SARNP: variants seen among roughly 807,000 people sequenced by gnomAD.
SARNP encodes the protein SAP domain-containing ribonucleoprotein.
A neutral mutation model predicts 38.1 loss-of-function variants in SARNP; 5 were observed. The ratio of observed to expected loss-of-function variants is 0.13; its 90% CI spans 0.07 to 0.28. The LOEUF is 0.28. SARNP is among the 10% of genes least tolerant of loss of function. The pLI is 1.00. For missense variants in SARNP, 180 were observed against 243.9 expected, an observed-to-expected ratio of 0.74 and a Z score of 1.75; for synonymous variants, 84 against 80.6, an observed-to-expected ratio of 1.04 and a Z score of -0.23.
intron 9 of SARNP, among the ~76,000 whole-genome samples, chr12:55,777,134 C>A (rs1033904108): frequency 2.6e-5 from 4 of 152,126 alleles, no homozygotes; most frequent in Admixed American, 6.5e-5. Flanking sequence ...CTACAAATTT[C>A]TTTACCTGAA....
At chr12:55,784,239 G>A (rs781632265) in intron 9 of SARNP, among the ~76,000 whole-genome samples, 6 of 152,164 alleles carry the variant, frequency 3.9e-5, no homozygotes, top group South Asian at 2.1e-4. Flanking sequence ...AAAGACAAGC[G>A]ACCAAATTAT....
At chr12:55,765,663 G>C (rs1041740384) in intron 9 of SARNP, among the ~76,000 whole-genome samples, 1 of 151,988 alleles carries the variant, frequency 6.6e-6, no homozygotes, top group Non-Finnish European at 1.5e-5. Context: ...TTTTAAACAA[G>C]ATCTTTGGTG....
intron 7 of SARNP, among the ~76,000 whole-genome samples, chr12:55,792,263 G>C (rs1360841631): frequency 1.3e-5 from 2 of 152,090 alleles, no homozygotes; most frequent in Non-Finnish European, 1.5e-5. Flanking sequence ...ACTACAAGAA[G>C]ATCTCTGGGG....
At chr12:55,791,822 C>G (rs1418125388) in intron 7 of SARNP, among the ~76,000 whole-genome samples, 1 of 152,062 alleles carries the variant, frequency 6.6e-6, no homozygotes, top group Non-Finnish European at 1.5e-5. Context: ...GGATTTCATT[C>G]AAAAAAACAG....
intron 1 of SARNP, among the ~76,000 whole-genome samples, chr12:55,809,154 C>T (rs1251461725): frequency 1.3e-5 from 2 of 151,278 alleles, no homozygotes; most frequent in East Asian, 2.0e-4. Context: ...TGCAGTGAGC[C>T]GAGATCATGC....
intron 8 of SARNP, 143 bp downstream of exon 8, chr12:55,790,424 T>C (rs1879630838): frequency 1.1e-6 from 1 of 918,460 alleles, no homozygotes; most frequent in African/African-American, 1.7e-5. Flanking sequence ...ATTTTTTAAA[T>C]TCAAGACATA....
At chr12:55,784,837 T>A (rs943879075) in intron 9 of SARNP, among the ~76,000 whole-genome samples, 14 of 152,182 alleles carry the variant, frequency 9.2e-5, no homozygotes, top group African/African-American at 3.4e-4. Flanking sequence ...AATGTTTAAA[T>A]TAGGATAGTT....
intron 9 of SARNP, among the ~76,000 whole-genome samples, chr12:55,784,219 TAAAC>T: frequency 6.6e-6 from 1 of 152,276 alleles, no homozygotes; most frequent in Non-Finnish European, 1.5e-5. Context: ...CCTAGAGAAT[TAAAC>T]AACCTAAAGA....
chr12:55,800,898 C>T lies in SARNP; in HGVS notation c.139G>A (p.Glu47Lys). 1 of 1,611,898 alleles carries T rather than the reference C, an allele frequency of 6.2e-7. No homozygotes were observed. Among genetic ancestry groups the T allele is most frequent in the Non-Finnish European group, 8.5e-7 (1 of 1,178,108 alleles). Residue 47 changes from glutamate to lysine, a missense_variant and splice_region_variant, in exon 3 of 11, where the codon GAA becomes AAA. Around this residue, in one of 2 missense-constraint regions of SARNP, gnomAD observed 161 missense variants for 194.1 expected, o/e 0.83. Transcript: ENST00000336133. Reference sequence around the variant, plus strand: ...ACATCTTCTTCATTTGCCTCCTCTTCAGCTAAAGAATATTAAAATATTCAG... The same window carrying T: ...ACATCTTCTTCATTTGCCTCCTCTTTAGCTAAAGAATATTAAAATATTCAG... ...RLQAYLEEHAEEEANEEDVLG... is the reference protein window; with the variant it reads ...RLQAYLEEHAKEEANEEDVLG...
chr12:55,773,043 G>A (rs1879058973), intron 9 of SARNP, among the ~76,000 whole-genome samples: 1 of 152,152 alleles, frequency 6.6e-6, no homozygotes, highest in Non-Finnish European at 1.5e-5. Context: ...CAGGAGACGT[G>A]AATGCTGTCT....
chr12:55,788,838 G>A lies in SARNP; in HGVS notation c.501+237C>T, dbSNP rs111609559. ...AAGAAAGAAAAGAAATGTAGACCAC[G>A]CTCTAGCAGCCTGGGTGAAAGCTAT... On this transcript the variant is annotated intron_variant, in intron 9 of 10. Coordinates refer to ENST00000336133, the MANE Select transcript of SARNP (RefSeq NM_033082.4). Among the ~76,000 whole-genome samples, 179 of 152,152 alleles carry A rather than the reference G, an allele frequency of 1.2e-3. 1 individual carries two copies. The highest frequency in any genetic ancestry group is 2.0e-3 in the Non-Finnish European group (137 of 67,982).
In SARNP at chr12:55,778,271, C is replaced by T. The variant is rs541168056; in HGVS notation, c.501+10804G>A. Among the ~76,000 whole-genome samples, 176 of 152,224 alleles carry T rather than the reference C, an allele frequency of 1.2e-3. 7 individuals carry two copies. Among genetic ancestry groups the T allele is most frequent in the Admixed American group, 7.5e-3 (114 of 15,292 alleles). On this transcript the variant is annotated intron_variant, in intron 9 of 10. Transcript: ENST00000336133. ...AAGCAATTCTCGTGATTCAGCCTCC[C>T]GAGTAGTTGGGACTACAGGTGTGAG...
At chr12:55,809,349 T>C (rs1592583267) in intron 1 of SARNP, among the ~76,000 whole-genome samples, 2 of 149,510 alleles carry the variant, frequency 1.3e-5, no homozygotes, top group South Asian at 2.1e-4. Flanking sequence ...GTGGCTGAGA[T>C]GGAAAGATCA....
At chr12:55,817,598 G>T in intron 1 of SARNP, 68 bp downstream of exon 1, 2 of 1,466,122 alleles carry the variant, frequency 1.4e-6, no homozygotes, top group Non-Finnish European at 1.9e-6. Context: ...GTAGGAGAAG[G>T]CGCAAGCTAC....
At chr12:55,760,361 G>A (rs1163709022) in intron 10 of SARNP, 190 bp downstream of exon 10, 2 of 544,118 alleles carry the variant, frequency 3.7e-6, no homozygotes, top group Non-Finnish European at 6.5e-6. Context: ...TAATTAAGAA[G>A]TAGGTGGGAA....
At chr12:55,793,039 T>C (rs1879719584) in intron 7 of SARNP, 1 of 152,162 alleles carries the variant, frequency 6.6e-6, no homozygotes, top group Admixed American at 6.5e-5. Context: ...TCCCACCATT[T>C]TGGGAGGCAG....
At chr12:55,774,708 G>A (rs1374325969) in intron 9 of SARNP, among the ~76,000 whole-genome samples, 4 of 151,332 alleles carry the variant, frequency 2.6e-5, no homozygotes, top group Non-Finnish European at 5.9e-5. Flanking sequence ...TTCCAGCTTG[G>A]GTGACAAGAG....
rs532079478 is a variant in SARNP, at chr12:55,768,850, A to G, written c.502-8210T>C. Among the ~76,000 whole-genome samples the G allele has an allele frequency of 1.2e-4, 19 of 152,138 alleles. No homozygotes were observed. In the South Asian group the frequency reaches 3.7e-3, roughly 30 times the overall value. On this transcript the variant is annotated intron_variant, in intron 9 of 10. Transcript: ENST00000336133. ...GCGATTCTCCTGTCTCAGCCTCTCAAGTAGCTGGGATTACAGGTGTAAGCC... is the reference window on the plus strand; with the variant it reads ...GCGATTCTCCTGTCTCAGCCTCTCAGGTAGCTGGGATTACAGGTGTAAGCC...
intron 1 of SARNP, among the ~76,000 whole-genome samples, chr12:55,807,053 G>C (rs1273635862): frequency 6.6e-6 from 1 of 152,152 alleles, no homozygotes; most frequent in Non-Finnish European, 1.5e-5. Context: ...CGAACCTCCA[G>C]CTGGGACTAC....
Sources: allele counts gnomAD v4.1 joint callset (sites outside exome capture counted in the v4.1 genomes callset), GRCh38; gene constraint gnomAD v4.1.1; regional missense constraint gnomAD v4.1.1; transcripts MANE v1.5; gene names NCBI Gene and HGNC (gene_info 2026-07-23, HGNC 2026-07-21).